CLMN: variants seen among roughly 807,000 people sequenced by gnomAD.
The protein encoded by CLMN is calmin.
In CLMN, 57 loss-of-function variants were observed where a neutral mutation model predicts 92.7. The ratio of observed to expected loss-of-function variants is 0.61; its 90% CI spans 0.50 to 0.77. The LOEUF (loss-of-function observed/expected upper bound fraction) is 0.77. Ranked by LOEUF, CLMN falls within the 30% of genes least tolerant of loss-of-function variation. CLMN has a pLI of 0.00. For synonymous variants in CLMN, 466 were observed against 470.6 expected, an observed-to-expected ratio of 0.99 and a Z score of 0.13; for missense variants, 1,158 against 1,237.5, an observed-to-expected ratio of 0.94 and a Z score of 0.96.
intron 1 of CLMN, among the ~76,000 whole-genome samples, chr14:95,243,091 A>G (rs1898320088): frequency 6.6e-6 from 1 of 152,228 alleles, no homozygotes; most frequent in Non-Finnish European, 1.5e-5. Context: ...TGTTATAACA[A>G]AACTTTCTTT....
intron 1 of CLMN, among the ~76,000 whole-genome samples, chr14:95,237,534 T>C (rs138015183): frequency 6.6e-6 from 1 of 152,330 alleles, no homozygotes; most frequent in Admixed American, 6.5e-5. Flanking sequence ...CCATCCACTG[T>C]CCGGGAGGCC....
intron 1 of CLMN, among the ~76,000 whole-genome samples, chr14:95,276,764 T>A (rs759993715): frequency 1.3e-5 from 2 of 152,166 alleles, no homozygotes; most frequent in Non-Finnish European, 2.9e-5. Flanking sequence ...GGAGGTGAAT[T>A]TGAGCCTTGC....
chr14:95,191,778 A>G lies in CLMN; in HGVS notation c.2841-46T>C. The G allele has an allele frequency of 1.3e-6, 2 of 1,554,342 alleles. No homozygotes were observed. The highest frequency in any genetic ancestry group is 1.7e-6 in the Non-Finnish European group (2 of 1,154,666). ...AAACGCAGTTACCAAGCAGGTTCCC[A>G]GGAAAGTGGACCCCACCCAGTGCTA... is the stretch of plus-strand genomic sequence containing the variant. On this transcript the variant is annotated intron_variant, in intron 12 of 12. Transcript: ENST00000298912. The surrounding 1 kb of genome is among the most constrained non-coding windows in gnomAD (Gnocchi z 5.3).
intron 1 of CLMN, among the ~76,000 whole-genome samples, chr14:95,245,180 A>AT (rs1412683873): frequency 1.0e-4 from 4 of 39,354 alleles, no homozygotes; most frequent in Non-Finnish European, 1.2e-4. Context: ...TATATTATAT[A>AT]TATATATATA....
At chr14:95,281,958 A>G (rs1900159492) in intron 1 of CLMN, among the ~76,000 whole-genome samples, 2 of 152,184 alleles carry the variant, frequency 1.3e-5, no homozygotes, top group Admixed American at 6.5e-5. Flanking sequence ...CCACCCTTCA[A>G]TTCACGAAAG....
At position 95,221,715 on chromosome 14, in the gene CLMN, T is replaced by G; in HGVS notation, c.300A>C (p.Ala100=). 1 of 1,614,178 alleles carries G rather than the reference T, an allele frequency of 6.2e-7. No individual in the cohort carries two copies. Among genetic ancestry groups the G allele is most frequent in the Non-Finnish European group, 8.5e-7 (1 of 1,180,022 alleles). ...CATTGCTATCTTCCAAAAACTTAAG[T>G]GCTTTCGCTATGTTGTTCAACCGAA... is the stretch of plus-strand genomic sequence containing the variant. The part of the protein sequence containing the change: ...RIFRLNNIAK[A]LKFLEDSNVK... The change falls in exon 4 of 13, where the codon GCA becomes GCC. Residue 100 remains alanine, a synonymous_variant. Transcript: ENST00000298912.
chr14:95,315,644 C>T (rs1417458223), intron 1 of CLMN, among the ~76,000 whole-genome samples: 1 of 152,198 alleles, frequency 6.6e-6, no homozygotes, highest in Non-Finnish European at 1.5e-5. Flanking sequence ...CTCCCTTCTG[C>T]ACTGTGCAAC....
At position 95,182,887 on chromosome 14, in the gene CLMN, A is replaced by G. The variant is rs1566848891; in HGVS notation, c.*8677T>C. 1 of 152,214 alleles carries G rather than the reference A, an allele frequency of 6.6e-6. No homozygotes were observed. Among genetic ancestry groups the G allele is most frequent in the Non-Finnish European group, 1.5e-5 (1 of 68,044 alleles). 9.4% of individuals were successfully genotyped at this position (152,214 alleles called of 1,614,324 possible). ...AGCAGATTTCCCAGGTTCTACTTCAAACATTCATCTGAAACCTTTAAGATT... is the reference window on the plus strand; with the variant it reads ...AGCAGATTTCCCAGGTTCTACTTCAGACATTCATCTGAAACCTTTAAGATT... On this transcript the variant is annotated 3_prime_UTR_variant, in exon 13 of 13. Coordinates refer to ENST00000298912, the MANE Select transcript of CLMN (RefSeq NM_024734.4).
rs142658540 is a variant in CLMN, at chr14:95,206,348, T to G, written c.886-1885A>C. Among the ~76,000 whole-genome samples the G allele has an allele frequency of 2.6e-5, 4 of 152,280 alleles. No homozygotes were observed. In the East Asian group the frequency reaches 7.7e-4, roughly 29 times the overall value. ...TTTTTTCAACATTTCTCTCCTGCATTAATGGATCAGGAAAGCAGGAAAAAT... is the reference window on the plus strand; with the variant it reads ...TTTTTTCAACATTTCTCTCCTGCATGAATGGATCAGGAAAGCAGGAAAAAT... On this transcript the variant is annotated intron_variant, in intron 8 of 12. Coordinates refer to ENST00000298912, the MANE Select transcript of CLMN (RefSeq NM_024734.4).
At position 95,265,566 on chromosome 14, in the gene CLMN, T is replaced by C. The variant is rs560894355; in HGVS notation, c.83-35433A>G. ...CCTGACTAATATGCATAGGTATGACTCCTGGCACAGTGCGTGCTACAAAGA... is the reference window on the plus strand; with the variant it reads ...CCTGACTAATATGCATAGGTATGACCCCTGGCACAGTGCGTGCTACAAAGA... On this transcript the variant is annotated intron_variant, in intron 1 of 12. Transcript: ENST00000298912. Among the ~76,000 whole-genome samples, 4 of 152,344 alleles carry C rather than the reference T, an allele frequency of 2.6e-5. No homozygotes were observed. In the East Asian group the frequency reaches 7.7e-4, roughly 29 times the overall value.
At chr14:95,228,801 A>G (rs1897792056) in intron 2 of CLMN, among the ~76,000 whole-genome samples, 1 of 152,172 alleles carries the variant, frequency 6.6e-6, no homozygotes, top group African/African-American at 2.4e-5. Flanking sequence ...CAGCCTCCCC[A>G]GTAGCTGGGA....
Position 95,319,728 on chromosome 14 carries a change from C to T in CLMN, c.65G>A (p.Arg22Gln). ...EELIGQISDI[R>Q]VQNLQVEREN... ...TGCGTTACCTTGCAGGTTCTGCACT[C>T]GGATGTCGCTAATCTGCCCGATGAG... The change falls in exon 1 of 13, where the codon CGA (arginine) becomes CAA (glutamine). Residue 22 changes from arginine (R) to glutamine (Q), a missense_variant. Arg to Gln is a conservative substitution (Grantham distance 43). Transcript: ENST00000298912. 9 of 1,598,824 alleles carry T rather than the reference C, an allele frequency of 5.6e-6. No homozygotes were observed. Among genetic ancestry groups the T allele is most frequent in the Non-Finnish European group, 7.6e-6 (9 of 1,176,600 alleles).
rs749072394 is a variant in CLMN, at chr14:95,223,865, A to G, written c.145-10T>C. 5.6e-6 allele frequency: 9 copies of G among 1,597,558 alleles called. No individual in the cohort carries two copies. The East Asian group carries it at 6.7e-5, about 12-fold the overall frequency. On this transcript the variant is annotated splice_polypyrimidine_tract_variant and intron_variant, in intron 2 of 12. Coordinates refer to ENST00000298912, the MANE Select transcript of CLMN (RefSeq NM_024734.4). ...CTAGAGGTGGGTTGCACTTTGAAAG[A>G]GAAGGGAAGAAAGTAGCCAATTAGC...
chr14:95,233,098 G>A (rs531750062), intron 1 of CLMN, among the ~76,000 whole-genome samples: 3 of 152,308 alleles, frequency 2.0e-5, no homozygotes, highest in East Asian at 3.9e-4. Context: ...CTTTAAACAA[G>A]TTTATGGGGA....
At chr14:95,242,659 C>T (rs1248102051) in intron 1 of CLMN, among the ~76,000 whole-genome samples, 1 of 151,556 alleles carries the variant, frequency 6.6e-6, no homozygotes, top group Non-Finnish European at 1.5e-5. Flanking sequence ...CATCCACCTC[C>T]ACAGTTCAAG....
At chr14:95,195,720 A>C (rs1896692097) in intron 10 of CLMN, among the ~76,000 whole-genome samples, 1 of 152,214 alleles carries the variant, frequency 6.6e-6, no homozygotes, top group Non-Finnish European at 1.5e-5. Flanking sequence ...CAATGTGTCT[A>C]TAGGTGACGT....
intron 8 of CLMN, among the ~76,000 whole-genome samples, chr14:95,205,975 G>GA (rs1322730931): frequency 6.6e-6 from 1 of 152,088 alleles, no homozygotes; most frequent in Non-Finnish European, 1.5e-5. Flanking sequence ...ATAAACGTAT[G>GA]AAAAATGTAC....
intron 12 of CLMN, chr14:95,193,194 T>G: frequency 3.1e-6 from 2 of 635,002 alleles, no homozygotes; most frequent in Non-Finnish European, 5.5e-6. Context: ...TCAACAGGAA[T>G]GGGGACGTCT....
chr14:95,260,617 G>A (rs1899213668), intron 1 of CLMN: 1 of 152,180 alleles, frequency 6.6e-6, no homozygotes, highest in Non-Finnish European at 1.5e-5. Flanking sequence ...TGGGAAGTGT[G>A]ACTAATATCT....
Sources: gnomAD v4.1 joint callset for allele counts (sites outside exome capture counted in the v4.1 genomes callset) on GRCh38, gnomAD v4.1.1 for gene constraint, Gnocchi (gnomAD v3.1) non-coding constraint, MANE v1.5 for transcripts, NCBI Gene and HGNC (gene_info 2026-07-23, HGNC 2026-07-21) for gene names.